Variants in DNHD1 observed in about 807,000 individuals in gnomAD.
DNHD1 encodes dynein heavy chain domain 1, also known as dynein heavy chain domain-containing protein 1.
DNHD1 carries 383 observed loss-of-function variants against 458.1 expected under a neutral mutation model. The ratio of observed to expected loss-of-function variants is 0.84; its 90% CI spans 0.77 to 0.91. The LOEUF (loss-of-function observed/expected upper bound fraction) is 0.91, where lower values mean the gene tolerates loss of function less well. Among genes scored for constraint, DNHD1 ranks in the 40% least tolerant of loss-of-function variants. The probability of loss-of-function intolerance (pLI) is 0.00; values close to 1 mark genes in which losing one functional copy is unlikely to be tolerated. For synonymous variants in DNHD1, 2,203 were observed against 2,376.9 expected (o/e 0.93, Z 2.13); for missense variants, 5,336 against 5,866.1 (o/e 0.91, Z 2.95).
Position 6,551,866 on chromosome 11 carries a change from G to A in DNHD1, c.7387+2933G>A, listed in dbSNP as rs780852530. On this transcript the variant is annotated intron_variant, in intron 24 of 42. Coordinates refer to ENST00000254579, the MANE Select transcript of DNHD1 (RefSeq NM_144666.3). ...TGAGGCAGGAGAATTGCTTGAACCAGGGAGGTGGAAGTTGCGGTGAGCTGA... is the reference window on the plus strand; with the variant it reads ...TGAGGCAGGAGAATTGCTTGAACCAAGGAGGTGGAAGTTGCGGTGAGCTGA... Among the ~76,000 whole-genome samples, 318 of 134,386 alleles carry A rather than the reference G, an allele frequency of 2.4e-3. 18 individuals are homozygous for A. The highest frequency in any genetic ancestry group is 4.2e-3 in the Non-Finnish European group (271 of 63,798). 88.2% of individuals were successfully genotyped at this position (134,386 alleles called of 152,430 possible).
chr11:6,519,645 G>A lies in DNHD1; in HGVS notation c.1438G>A (p.Val480Ile). The A allele has an allele frequency of 1.9e-6, 3 of 1,614,132 alleles. No homozygotes were observed. The highest frequency in any genetic ancestry group is 2.2e-5 in the East Asian group (1 of 44,884). ...YHMQQCLQER[V>I]QNCDRIRTGQ... ...CATGCAACAGTGCCTACAGGAGCGA[G>A]TACAAAACTGTGACAGGATCAGGAC... Residue 480 changes from valine (V) to isoleucine (I), a missense_variant, in exon 8 of 43, where the codon GTA becomes ATA. Val to Ile is a conservative substitution (Grantham distance 29). Around this residue, in one of 4 missense-constraint regions of DNHD1, gnomAD observed 3,932 missense variants for 4,365.6 expected, o/e 0.90. Coordinates refer to ENST00000254579, the MANE Select transcript of DNHD1 (RefSeq NM_144666.3).
chr11:6,566,420 C>T (rs1853700221), intron 34 of DNHD1, 27 bp downstream of exon 34: 1 of 1,556,168 alleles, frequency 6.4e-7, no homozygotes, highest in Admixed American at 1.9e-5. Flanking sequence ...AAATTGCCAG[C>T]ACAGTTGTGT....
At chr11:6,499,670 T>C (rs887675105) in intron 3 of DNHD1, among the ~76,000 whole-genome samples, 6 of 150,354 alleles carry the variant, frequency 4.0e-5, no homozygotes, top group Admixed American at 4.0e-4. Flanking sequence ...CGGGTTCAAG[T>C]GATTCTCCTG....
In DNHD1 at chr11:6,498,390, G is replaced by T. The variant is rs1439736661; in HGVS notation, c.175G>T (p.Glu59Ter). The change falls in exon 3 of 43, where the codon GAA becomes TAA. Residue 59 changes from glutamate (E) to a stop codon, truncating the protein, a stop_gained. Coordinates refer to ENST00000254579, the MANE Select transcript of DNHD1 (RefSeq NM_144666.3). LOFTEE classifies it high-confidence loss of function. Reference protein sequence around the residue: ...VTESEQPTVLELLLAELRTLF... With the variant: ...VTESEQPTVL ...TGAGTCAGAGCAGCCCACAGTGCTGGAACTCCTGCTAGCTGAGCTCCGAAC... is the reference window on the plus strand; with the variant it reads ...TGAGTCAGAGCAGCCCACAGTGCTGTAACTCCTGCTAGCTGAGCTCCGAAC... 6.2e-7 allele frequency: 1 copy of T among 1,614,202 alleles called. No individual in the cohort carries two copies. The highest frequency in any genetic ancestry group is 2.2e-5 in the East Asian group (1 of 44,878).
Position 6,551,827 on chromosome 11 carries a change from G to T in DNHD1, c.7387+2894G>T, listed in dbSNP as rs528098730. On this transcript the variant is annotated intron_variant, in intron 24 of 42. Coordinates refer to ENST00000254579, the MANE Select transcript of DNHD1 (RefSeq NM_144666.3). ...ATGGTGGCATGTACCTGTAATCACA[G>T]CTACTCGGGAGGCTGAGGCAGGAGA... Among the ~76,000 whole-genome samples the T allele has an allele frequency of 1.2e-4, 19 of 152,182 alleles. No individual in the cohort carries two copies. The South Asian group carries it at 3.5e-3, about 28-fold the overall frequency.
Position 6,568,514 on chromosome 11 carries a change from C to T in DNHD1, c.12599C>T (p.Thr4200Ile). The T allele has an allele frequency of 6.2e-7, 1 of 1,614,016 alleles. No homozygotes were observed. Among genetic ancestry groups the T allele is most frequent in the Non-Finnish European group, 8.5e-7 (1 of 1,179,900 alleles). The change falls in exon 38 of 43, where the codon ACT becomes ATT. Residue 4200 changes from threonine (T) to isoleucine (I), a missense_variant. Thr to Ile is a moderately conservative substitution (Grantham distance 89). This residue lies in a region of DNHD1 where 695 missense variants were observed against 804.2 expected (regional missense o/e 0.86). Coordinates refer to ENST00000254579, the MANE Select transcript of DNHD1 (RefSeq NM_144666.3). ...CAACCTGAAAGCAGGAATGTAAGCA[C>T]TGTTCACAGAGATTTTCGTCTTTGG... ...LDQPESRNVS[T>I]VHRDFRLWLI...
chr11:6,529,456 A>T (rs1269055836), intron 12 of DNHD1, among the ~76,000 whole-genome samples: 3 of 152,024 alleles, frequency 2.0e-5, no homozygotes, highest in Admixed American at 6.6e-5. Flanking sequence ...AATTTATACT[A>T]CGATTTGCAT....
Position 6,539,873 on chromosome 11 carries a change from C to G in DNHD1, c.3421-3C>G. The G allele has an allele frequency of 6.4e-7, 1 of 1,551,686 alleles. No individual in the cohort carries two copies. On this transcript the variant is annotated splice_polypyrimidine_tract_variant and splice_region_variant and intron_variant, in intron 17 of 42. Transcript: ENST00000254579. Reference sequence around the variant, plus strand: ...CCTGGTTCCTGAGACCCAGCTGTTCCAGGTCTGGCAGAATGAAAATGAACG... The same window carrying G: ...CCTGGTTCCTGAGACCCAGCTGTTCGAGGTCTGGCAGAATGAAAATGAACG...
At chr11:6,554,533 A>G (rs565151552) in intron 24 of DNHD1, among the ~76,000 whole-genome samples, 6 of 152,358 alleles carry the variant, frequency 3.9e-5, no homozygotes, top group African/African-American at 1.2e-4. Flanking sequence ...TGCATGATAC[A>G]TGTATCTGAC....
chr11:6,569,555 TAGA>T (rs1210607740), intron 39 of DNHD1, among the ~76,000 whole-genome samples: 6 of 152,040 alleles, frequency 3.9e-5, no homozygotes, highest in Non-Finnish European at 7.4e-5. Flanking sequence ...GGGTTTTAAG[TAGA>T]AGAAGAAACA....
At chr11:6,514,010 A>T (rs1357356869) in intron 7 of DNHD1, among the ~76,000 whole-genome samples, 1 of 151,196 alleles carries the variant, frequency 6.6e-6, no homozygotes, top group African/African-American at 2.4e-5. Context: ...CGCCCGACTA[A>T]TTTTTTTTTG....
At chr11:6,521,945 A>G (rs1852613639) in intron 10 of DNHD1, among the ~76,000 whole-genome samples, 2 of 152,028 alleles carry the variant, frequency 1.3e-5, no homozygotes, top group African/African-American at 4.8e-5. Flanking sequence ...GTGAACTCCT[A>G]TCATCAAGCA....
intron 28 of DNHD1, among the ~76,000 whole-genome samples, chr11:6,561,688 C>T (rs1474686608): frequency 2.0e-5 from 3 of 152,202 alleles, no homozygotes; most frequent in Non-Finnish European, 4.4e-5. Flanking sequence ...AAAACATTCA[C>T]TAACTGTATA....
intron 10 of DNHD1, among the ~76,000 whole-genome samples, chr11:6,525,538 G>A (rs1175399042): frequency 6.6e-6 from 1 of 152,122 alleles, no homozygotes; most frequent in Non-Finnish European, 1.5e-5. Flanking sequence ...TCTTAGTTCT[G>A]TAAGTAACAA....
chr11:6,563,293 C>G (rs1255141540), intron 29 of DNHD1, 89 bp from the exon 30 acceptor site: 25 of 1,498,918 alleles, frequency 1.7e-5, no homozygotes, highest in Non-Finnish European at 2.3e-5. Flanking sequence ...CTCATGGGGA[C>G]TCCAAGGAGA....
In DNHD1 at chr11:6,570,302, T is replaced by A. The variant is rs369208438; in HGVS notation, c.13011T>A (p.Ile4337=). ...ACACTGAGGACAGGGAGGCCCTGAT[T>A]AGCCTCACACAAGCCTGCCTGAGCC... ...LGDTEDREAL[I]SLTQACLSPS... The change falls in exon 41 of 43, where the codon ATT becomes ATA. Residue 4337 remains isoleucine (I), a synonymous_variant. Coordinates refer to ENST00000254579, the MANE Select transcript of DNHD1 (RefSeq NM_144666.3). 5 of 1,613,616 alleles carry A rather than the reference T, an allele frequency of 3.1e-6. No homozygotes were observed. Among genetic ancestry groups the A allele is most frequent in the Non-Finnish European group, 4.2e-6 (5 of 1,179,766 alleles).
At chr11:6,529,725 G>A (rs1267771175) in intron 12 of DNHD1, among the ~76,000 whole-genome samples, 1 of 152,168 alleles carries the variant, frequency 6.6e-6, no homozygotes, top group Non-Finnish European at 1.5e-5. Context: ...CCGGTGGGCT[G>A]GCTTCTGAGG....
Position 6,563,276 on chromosome 11 carries a change from G to A in DNHD1, c.9670-106G>A, listed in dbSNP as rs1251945196. 1.4e-5 allele frequency: 21 copies of A among 1,499,084 alleles called. No individual in the cohort carries two copies. The Admixed American group carries it at 3.7e-4, about 27-fold the overall frequency. 92.9% of individuals were successfully genotyped at this position (1,499,084 alleles called of 1,614,324 possible). A position where few individuals can be genotyped will look rare whatever the true frequency, so the allele number is the denominator to read the frequency against. ...CAAAGGTAATAGGATGGCTTGGGGAGTGGCCTCTCATGGGGACTCCAAGGA... is the reference window on the plus strand; with the variant it reads ...CAAAGGTAATAGGATGGCTTGGGGAATGGCCTCTCATGGGGACTCCAAGGA... On this transcript the variant is annotated intron_variant, in intron 29 of 42. Transcript: ENST00000254579.
In DNHD1 at chr11:6,519,799, G is replaced by T. The variant is rs1410250029; in HGVS notation, c.1592G>T (p.Ser531Ile). 6.2e-7 allele frequency: 1 copy of T among 1,613,410 alleles called. No homozygotes were observed. Among genetic ancestry groups the T allele is most frequent in the South Asian group, 1.1e-5 (1 of 91,078 alleles). Residue 531 changes from serine (S) to isoleucine (I), a missense_variant, in exon 8 of 43, where the codon AGC becomes ATC. Ser to Ile is a moderately radical substitution (Grantham distance 142). Coordinates refer to ENST00000254579, the MANE Select transcript of DNHD1 (RefSeq NM_144666.3). ...CTGGTTGACTACATGATTTGTCAGAGCCTCATTTCTGTCTTGGAAGAGCAG... is the reference window on the plus strand; with the variant it reads ...CTGGTTGACTACATGATTTGTCAGATCCTCATTTCTGTCTTGGAAGAGCAG... ...ARLVDYMICQ[S>I]LISVLEEQIT... is the part of the protein sequence containing the mutation.
Sources: allele counts gnomAD v4.1 joint callset (sites outside exome capture counted in the v4.1 genomes callset), GRCh38; gene constraint gnomAD v4.1.1; regional missense constraint gnomAD v4.1.1; transcripts MANE v1.5; gene names NCBI Gene and HGNC (gene_info 2026-07-23, HGNC 2026-07-21).